ADCY10: variants seen among roughly 807,000 people sequenced by gnomAD.
ADCY10 encodes the protein adenylate cyclase type 10.
Under a neutral mutation model 183.3 loss-of-function variants are expected in ADCY10, and 156 were observed. The observed-to-expected ratio is 0.85, with a 90% CI of 0.75 to 0.97. ADCY10 has a LOEUF of 0.97. ADCY10 is among the 50% of genes least tolerant of loss of function. ADCY10 has a pLI of 0.00. For synonymous variants in ADCY10, 645 were observed against 670.0 expected (o/e 0.96, Z 0.58); for missense variants, 1,745 against 1,934.3 (o/e 0.90, Z 1.84).
intron 9 of ADCY10, among the ~76,000 whole-genome samples, chr1:167,881,046 A>G (rs1236320719): frequency 6.6e-6 from 1 of 152,222 alleles, no homozygotes; most frequent in Non-Finnish European, 1.5e-5. Context: ...ACTTCCGTTT[A>G]TCTCTCTGAA....
intron 6 of ADCY10, 95 bp from the exon 7 acceptor site, chr1:167,896,786 CTGAACAGTGAT>C: frequency 1.2e-6 from 1 of 867,060 alleles, no homozygotes; most frequent in Middle Eastern, 3.4e-4. Context: ...ATGCTTTTGA[CTGAACAGTGAT>C]TGGCACACTT....
At chr1:167,868,093 T>C (rs1666832506) in intron 14 of ADCY10, among the ~76,000 whole-genome samples, 1 of 152,198 alleles carries the variant, frequency 6.6e-6, no homozygotes, top group African/African-American at 2.4e-5. Context: ...GTAAACTCTC[T>C]CCGGAACCAG....
At chr1:167,901,058 A>G (rs575697888) in intron 5 of ADCY10, among the ~76,000 whole-genome samples, 1 of 152,346 alleles carries the variant, frequency 6.6e-6, no homozygotes, top group South Asian at 2.1e-4. Context: ...AATGGATACA[A>G]TGATGCCTGT....
At chr1:167,888,434 C>T (rs1241133054) in intron 8 of ADCY10, among the ~76,000 whole-genome samples, 1 of 151,830 alleles carries the variant, frequency 6.6e-6, no homozygotes, top group Non-Finnish European at 1.5e-5. Flanking sequence ...GCCTCTTCAA[C>T]TTCTTGTGTC....
At chr1:167,913,343 T>A (rs1328743951) in intron 1 of ADCY10, among the ~76,000 whole-genome samples, 1 of 152,190 alleles carries the variant, frequency 6.6e-6, no homozygotes, top group African/African-American at 2.4e-5. Flanking sequence ...CCTCTAGAAT[T>A]TCCTAATAGA....
At chr1:167,899,658 C>A (rs375993502) in intron 5 of ADCY10, 30 bp from the exon 6 acceptor site, 34 of 1,606,172 alleles carry the variant, frequency 2.1e-5, no homozygotes, top group Non-Finnish European at 2.8e-5. Flanking sequence ...TAGGTTTGCA[C>A]AAGAAGTTCT....
chr1:167,818,257 G>A lies in ADCY10; in HGVS notation c.4297C>T (p.Leu1433Phe). 6.2e-7 allele frequency: 1 copy of A among 1,614,042 alleles called. No individual in the cohort carries two copies. The change falls in exon 31 of 33, where the codon CTT (leucine) becomes TTT (phenylalanine). Residue 1433 changes from leucine (L) to phenylalanine (F), a missense_variant. Leu to Phe is a conservative substitution (Grantham distance 22). Coordinates refer to ENST00000367851, the MANE Select transcript of ADCY10 (RefSeq NM_018417.6). ...TTGTAAAAGTTGTCCCATTCCTGAAGTCTGGCATACCTGCATTACCACAAG... is the reference window on the plus strand; with the variant it reads ...TTGTAAAAGTTGTCCCATTCCTGAAATCTGGCATACCTGCATTACCACAAG... ...YSSVAIWYAR[L>F]QEWDNFYKFS...
Position 167,824,350 on chromosome 1 carries a change from A to G in ADCY10, c.4052+126T>C, listed in dbSNP as rs530100200. The G allele has an allele frequency of 1.1e-4, 93 of 817,846 alleles. 1 individual carries two copies. In the African/African-American group the frequency reaches 1.5e-3, roughly 13 times the overall value. 50.7% of individuals were successfully genotyped at this position (817,846 alleles called of 1,614,324 possible). ...AAAAGAAAAAAGGGTGACTACTATC[A>G]GTTACATTTTCTTACTGCAAACTCT... On this transcript the variant is annotated intron_variant, in intron 28 of 32. Transcript: ENST00000367851.
rs530360189 is a variant in ADCY10 at position 167,834,073 on chromosome 1, T to C, written c.3314A>G (p.Tyr1105Cys). Reference protein sequence around the residue: ...YLIFCDNYMAYMYLNEGQKLL... With the variant: ...YLIFCDNYMACMYLNEGQKLL... ...CTTCTGTCCTTCATTCAAATACATG[T>C]ATGCCTGTAACCAGCCCAAGGAGTA... Residue 1105 changes from tyrosine (Y) to cysteine (C), a missense_variant, in exon 24 of 33, where the codon TAC becomes TGC. Physicochemically the swap from Tyr to Cys is radical, Grantham distance 194. Coordinates refer to ENST00000367851, the MANE Select transcript of ADCY10 (RefSeq NM_018417.6). The C allele has an allele frequency of 6.2e-7, 1 of 1,612,562 alleles. No homozygotes were observed. The highest frequency in any genetic ancestry group is 8.5e-7 in the Non-Finnish European group (1 of 1,178,630).
At chr1:167,861,722 T>C (rs1666300266) in intron 14 of ADCY10, among the ~76,000 whole-genome samples, 1 of 152,196 alleles carries the variant, frequency 6.6e-6, no homozygotes, top group Admixed American at 6.5e-5. Context: ...CTCACTATAT[T>C]CAACTTTTAA....
intron 6 of ADCY10, among the ~76,000 whole-genome samples, chr1:167,898,259 A>C (rs914761604): frequency 6.6e-6 from 1 of 152,008 alleles, no homozygotes; most frequent in Non-Finnish European, 1.5e-5. Flanking sequence ...CTTTTCTGTA[A>C]GTCTAACATG....
At chr1:167,825,647 T>C (rs767233083) in intron 26 of ADCY10, among the ~76,000 whole-genome samples, 19 of 152,154 alleles carry the variant, frequency 1.2e-4, no homozygotes, top group South Asian at 8.3e-4. Context: ...GTAGCCAGCA[T>C]GATGACACAA....
chr1:167,873,424 C>T (rs971135208), intron 13 of ADCY10, among the ~76,000 whole-genome samples: 6 of 152,124 alleles, frequency 3.9e-5, no homozygotes, highest in Non-Finnish European at 8.8e-5. Flanking sequence ...AATATTTCTC[C>T]AAAGTGTGAG....
intron 16 of ADCY10, among the ~76,000 whole-genome samples, chr1:167,859,507 A>T (rs188204191): frequency 8.5e-5 from 13 of 152,330 alleles, no homozygotes; most frequent in African/African-American, 3.1e-4. Context: ...CTGACGACAG[A>T]GCCTGCATAT....
At position 167,845,675 on chromosome 1, in the gene ADCY10, G is replaced by GTCAC; in HGVS notation, c.2891_2894dup (p.Asp965GlufsTer2). On this transcript the variant is annotated stop_gained and frameshift_variant, in exon 21 of 33. Coordinates refer to ENST00000367851, the MANE Select transcript of ADCY10 (RefSeq NM_018417.6). LOFTEE classifies it high-confidence loss of function. ...GAATGAAGTCCCTGCCTCGGCAGTG[G>GTCAC]TCACATCTGTGGGCATCTTCTTCTA... 6.2e-7 allele frequency: 1 copy of GTCAC among 1,614,256 alleles called. No homozygotes were observed. Among genetic ancestry groups the GTCAC allele is most frequent in the Non-Finnish European group, 8.5e-7 (1 of 1,180,052 alleles).
At chr1:167,901,430 T>C (rs1415640682) in intron 5 of ADCY10, among the ~76,000 whole-genome samples, 1 of 152,216 alleles carries the variant, frequency 6.6e-6, no homozygotes, top group Non-Finnish European at 1.5e-5. Flanking sequence ...CCATACCAAC[T>C]AATTTACTTT....
intron 1 of ADCY10, among the ~76,000 whole-genome samples, chr1:167,910,646 T>C (rs1670090816): frequency 6.6e-6 from 1 of 152,154 alleles, no homozygotes; most frequent in Non-Finnish European, 1.5e-5. Flanking sequence ...TTTTCTTCAG[T>C]GGAGGGAGCT....
At chr1:167,899,326 G>A in intron 6 of ADCY10, 97 bp downstream of exon 6, 1 of 1,236,428 alleles carries the variant, frequency 8.1e-7, no homozygotes. Flanking sequence ...CTCCAGCCCA[G>A]GAGCTTTATG....
intron 30 of ADCY10, 162 bp from the exon 31 acceptor site, chr1:167,818,429 T>C (rs1662664808): frequency 1.3e-6 from 1 of 767,528 alleles, no homozygotes; most frequent in Non-Finnish European, 2.4e-6. Flanking sequence ...AAGCAGGAAA[T>C]TATGTGATAC....
Sources: allele counts gnomAD v4.1 joint callset (sites outside exome capture counted in the v4.1 genomes callset), GRCh38; gene constraint gnomAD v4.1.1; transcripts MANE v1.5; gene names NCBI Gene and HGNC (gene_info 2026-07-23, HGNC 2026-07-21).